Variants in OXR1 observed in about 807,000 individuals in gnomAD.
The protein encoded by OXR1 is oxidation resistance protein 1.
In OXR1, 41 loss-of-function variants were observed where a neutral mutation model predicts 104.6. The observed-to-expected ratio is 0.39, with a 90% CI of 0.31 to 0.51. OXR1 has a LOEUF of 0.51. Ranked by LOEUF, OXR1 falls within the 20% of genes least tolerant of loss-of-function variation. OXR1 has a pLI of 0.77. For synonymous variants in OXR1, 348 were observed against 348.4 expected (o/e 1.00, Z 0.01); for missense variants, 955 against 1,031.9 (o/e 0.93, Z 1.02).
At chr8:106,614,758 TA>T (rs1821076049) in intron 3 of OXR1, among the ~76,000 whole-genome samples, 1 of 152,190 alleles carries the variant, frequency 6.6e-6, no homozygotes, top group African/African-American at 2.4e-5. Context: ...GATAAATAGA[TA>T]TATTTACTTA....
At chr8:106,725,788 G>A (rs1833278800) in intron 11 of OXR1, among the ~76,000 whole-genome samples, 1 of 152,182 alleles carries the variant, frequency 6.6e-6, no homozygotes, top group Non-Finnish European at 1.5e-5. Context: ...TTAGCTGTAA[G>A]TAAGGAACAT....
chr8:106,299,447 T>C (rs773632445), intron 1 of OXR1, among the ~76,000 whole-genome samples: 36 of 152,236 alleles, frequency 2.4e-4, no homozygotes, highest in Admixed American at 3.9e-4. Flanking sequence ...TAATACTGTA[T>C]CTGTTGGAGA....
At chr8:106,635,286 A>G (rs1278265904) in intron 3 of OXR1, among the ~76,000 whole-genome samples, 1 of 152,198 alleles carries the variant, frequency 6.6e-6, no homozygotes, top group Admixed American at 6.5e-5. Context: ...GAAAATAGCA[A>G]TAAGTGATGC....
At chr8:106,563,294 A>T (rs1816814349) in intron 3 of OXR1, among the ~76,000 whole-genome samples, 1 of 80,936 alleles carries the variant, frequency 1.2e-5, no homozygotes. Context: ...GCAAATGGAA[A>T]GCAAAAAAAA....
At chr8:106,329,824 G>T (rs1263376978) in intron 1 of OXR1, among the ~76,000 whole-genome samples, 1 of 151,920 alleles carries the variant, frequency 6.6e-6, no homozygotes, top group East Asian at 1.9e-4. Context: ...TGTGTATCCA[G>T]TGTACTTTTC....
chr8:106,394,728 G>T (rs1389144834), intron 2 of OXR1, among the ~76,000 whole-genome samples: 2 of 152,074 alleles, frequency 1.3e-5, no homozygotes, highest in African/African-American at 4.8e-5. Context: ...AGAGCAATTT[G>T]GTGGTTGCCA....
At chr8:106,498,467 G>A (rs1361850988) in intron 2 of OXR1, among the ~76,000 whole-genome samples, 1 of 152,174 alleles carries the variant, frequency 6.6e-6, no homozygotes, top group Non-Finnish European at 1.5e-5. Flanking sequence ...ACAATTTGCA[G>A]CCCACATATT....
At chr8:106,621,567 C>CA (rs1821706617) in intron 3 of OXR1, among the ~76,000 whole-genome samples, 2 of 151,448 alleles carry the variant, frequency 1.3e-5, no homozygotes, top group South Asian at 2.1e-4. Context: ...CAGGATACTT[C>CA]AATGGCACTT....
At chr8:106,500,733 AT>A (rs139899081) in intron 2 of OXR1, among the ~76,000 whole-genome samples, 9 of 152,158 alleles carry the variant, frequency 5.9e-5, no homozygotes, top group Non-Finnish European at 1.3e-4. Flanking sequence ...AGAAACTGTC[AT>A]TTTTTAATTA....
chr8:106,718,125 TTG>T (rs1440926098), intron 11 of OXR1, among the ~76,000 whole-genome samples: 1 of 152,222 alleles, frequency 6.6e-6, no homozygotes, highest in Non-Finnish European at 1.5e-5. Flanking sequence ...CCTTTTAATC[TTG>T]TTTCAGAATT....
intron 3 of OXR1, among the ~76,000 whole-genome samples, chr8:106,533,649 A>T (rs1330530443): frequency 6.6e-6 from 1 of 151,896 alleles, no homozygotes; most frequent in African/African-American, 2.4e-5. Context: ...CAGAGAATAA[A>T]TGGCTCAGGA....
intron 2 of OXR1, among the ~76,000 whole-genome samples, chr8:106,426,990 A>G (rs1259321110): frequency 6.6e-6 from 1 of 151,988 alleles, no homozygotes; most frequent in Non-Finnish European, 1.5e-5. Flanking sequence ...CTCATCAGAT[A>G]TTTCCTCCCA....
intron 3 of OXR1, among the ~76,000 whole-genome samples, chr8:106,579,164 G>T (rs1223270522): frequency 6.6e-6 from 1 of 151,868 alleles, no homozygotes; most frequent in Non-Finnish European, 1.5e-5. Flanking sequence ...GGCTTGCCTT[G>T]GGCCACATTT....
At chr8:106,476,873 G>A (rs1421168786) in intron 2 of OXR1, among the ~76,000 whole-genome samples, 3 of 151,888 alleles carry the variant, frequency 2.0e-5, no homozygotes, top group Admixed American at 2.0e-4. Context: ...TCCTATTTGA[G>A]TCTGTAGCTA....
chr8:106,482,832 CAT>C (rs1424746624), intron 2 of OXR1, among the ~76,000 whole-genome samples: 1 of 150,526 alleles, frequency 6.6e-6, no homozygotes, highest in African/African-American at 2.5e-5. Flanking sequence ...TGGTTTTACA[CAT>C]GTCATGATGT....
chr8:106,685,914 G>GTA (rs1828669126), intron 6 of OXR1, among the ~76,000 whole-genome samples: 1 of 115,046 alleles, frequency 8.7e-6, no homozygotes, highest in Non-Finnish European at 2.2e-5. Context: ...GGAAAATGTG[G>GTA]TATATATATA....
At chr8:106,361,133 A>G (rs1439021805) in intron 2 of OXR1, among the ~76,000 whole-genome samples, 3 of 152,206 alleles carry the variant, frequency 2.0e-5, no homozygotes, top group Non-Finnish European at 4.4e-5. Flanking sequence ...GTTCCAGCCC[A>G]ATTGTCCAGC....
chr8:106,435,338 C>T (rs1222535000), intron 2 of OXR1, among the ~76,000 whole-genome samples: 1 of 152,102 alleles, frequency 6.6e-6, no homozygotes, highest in Admixed American at 6.6e-5. Context: ...GACCTTACTG[C>T]TCTTGACAGA....
intron 1 of OXR1, among the ~76,000 whole-genome samples, chr8:106,298,123 T>C (rs1001448893): frequency 3.3e-5 from 5 of 152,220 alleles, no homozygotes; most frequent in Admixed American, 6.5e-5. Flanking sequence ...TCTGCTTATT[T>C]ATGCATAACA....
Sources: gnomAD v4.1 joint callset for allele counts (sites outside exome capture counted in the v4.1 genomes callset) on GRCh38, gnomAD v4.1.1 for gene constraint, MANE v1.5 for transcripts, NCBI Gene and HGNC (gene_info 2026-07-23, HGNC 2026-07-21) for gene names.